Variants in ITGB3BP observed in about 807,000 individuals in gnomAD.
ITGB3BP encodes the protein centromere protein R.
In ITGB3BP, 27 loss-of-function variants were observed where a neutral mutation model predicts 29.1. The observed-to-expected ratio is 0.93, with a 90% CI of 0.68 to 1.28. The LOEUF (loss-of-function observed/expected upper bound fraction) is 1.28, where lower values mean the gene tolerates loss of function less well. Among genes scored for constraint, ITGB3BP ranks in the 50% most tolerant of loss-of-function variants. The pLI is 0.00. For synonymous variants in ITGB3BP, 61 were observed against 61.4 expected, an observed-to-expected ratio of 0.99 and a Z score of 0.03; for missense variants, 192 against 200.2, an observed-to-expected ratio of 0.96 and a Z score of 0.25.
At chr1:63,511,541 T>C (rs1369762974) in intron 1 of ITGB3BP, among the ~76,000 whole-genome samples, 1 of 151,760 alleles carries the variant, frequency 6.6e-6, no homozygotes, top group Non-Finnish European at 1.5e-5. Context: ...AACCCAAATA[T>C]CCACTGACAG....
At chr1:63,504,906 G>A (rs1646035917) in intron 2 of ITGB3BP, among the ~76,000 whole-genome samples, 1 of 152,086 alleles carries the variant, frequency 6.6e-6, no homozygotes, top group Admixed American at 6.6e-5. Flanking sequence ...TGCTGGATTC[G>A]GTTTGCCAGT....
At chr1:63,474,787 C>T (rs1362369309) in intron 4 of ITGB3BP, among the ~76,000 whole-genome samples, 2 of 151,092 alleles carry the variant, frequency 1.3e-5, no homozygotes, top group African/African-American at 4.8e-5. Flanking sequence ...CCTAGGAAAA[C>T]CAGAGACCTT....
At chr1:63,513,465 C>T (rs145913157) in intron 1 of ITGB3BP, among the ~76,000 whole-genome samples, 158 of 152,252 alleles carry the variant, frequency 1.0e-3, no homozygotes, top group African/African-American at 3.7e-3. Context: ...AAAGTTTTCT[C>T]TGCACCAGCT....
chr1:63,476,667 C>A (rs955166087), intron 4 of ITGB3BP, among the ~76,000 whole-genome samples: 5 of 152,214 alleles, frequency 3.3e-5, no homozygotes, highest in South Asian at 4.2e-4. Flanking sequence ...TTTAAGTGGA[C>A]CTGATTCAGG....
intron 3 of ITGB3BP, among the ~76,000 whole-genome samples, chr1:63,482,827 T>C (rs1557632280): frequency 6.6e-6 from 1 of 152,038 alleles, no homozygotes; most frequent in Non-Finnish European, 1.5e-5. Context: ...CTAATTTTTG[T>C]ATTTTTAGTA....
chr1:63,464,216 A>C (rs1197891160), intron 4 of ITGB3BP, among the ~76,000 whole-genome samples: 1 of 152,224 alleles, frequency 6.6e-6, no homozygotes, highest in Non-Finnish European at 1.5e-5. Flanking sequence ...TCAAATGAAT[A>C]CTTCTTCAAA....
intron 4 of ITGB3BP, among the ~76,000 whole-genome samples, chr1:63,461,540 A>G (rs761320246): frequency 3.9e-5 from 6 of 152,166 alleles, no homozygotes; most frequent in Non-Finnish European, 8.8e-5. Flanking sequence ...CTATCAACAA[A>G]TTCAAGGTCA....
chr1:63,445,161 C>T (rs1279578966), intron 8 of ITGB3BP, among the ~76,000 whole-genome samples: 1 of 152,058 alleles, frequency 6.6e-6, no homozygotes, highest in African/African-American at 2.4e-5. Context: ...TGGTGCTCAA[C>T]TGTAATCCCA....
At chr1:63,491,045 G>C (rs1341296747) in intron 2 of ITGB3BP, among the ~76,000 whole-genome samples, 1 of 151,982 alleles carries the variant, frequency 6.6e-6, no homozygotes, top group African/African-American at 2.4e-5. Context: ...TCAGTCACTA[G>C]GCTATGTGCA....
At chr1:63,472,742 G>A (rs907231166) in intron 4 of ITGB3BP, among the ~76,000 whole-genome samples, 2 of 151,304 alleles carry the variant, frequency 1.3e-5, no homozygotes, top group South Asian at 2.1e-4. Context: ...CTCCCGAGGC[G>A]CCGGGATTGC....
intron 4 of ITGB3BP, among the ~76,000 whole-genome samples, chr1:63,460,819 T>A (rs1645004074): frequency 6.6e-6 from 1 of 152,164 alleles, no homozygotes; most frequent in Non-Finnish European, 1.5e-5. Context: ...TAAATAGACA[T>A]CCTCGTAGAT....
upstream of ITGB3BP, chr1:63,523,267 G>A (rs1411949737): frequency 2.5e-6 from 3 of 1,207,628 alleles, no homozygotes; most frequent in African/African-American, 4.5e-5. Flanking sequence ...CACCGCGGCC[G>A]GGCGGAAACA....
At chr1:63,468,470 G>A (rs546417488) in intron 4 of ITGB3BP, among the ~76,000 whole-genome samples, 90 of 152,316 alleles carry the variant, frequency 5.9e-4, no homozygotes, top group African/African-American at 2.1e-3. Context: ...GCTCACGCCT[G>A]TAATCCCAGC....
intron 4 of ITGB3BP, among the ~76,000 whole-genome samples, chr1:63,462,185 G>A (rs1645028634): frequency 6.6e-6 from 1 of 152,066 alleles, no homozygotes; most frequent in African/African-American, 2.4e-5. Context: ...TAGTGTACAA[G>A]TTTTTTACCT....
chr1:63,503,494 G>A (rs998685391), intron 2 of ITGB3BP, among the ~76,000 whole-genome samples: 2 of 152,136 alleles, frequency 1.3e-5, no homozygotes, highest in African/African-American at 4.8e-5. Context: ...TTCTTCTGCT[G>A]TGCAGAAGCT....
chr1:63,497,968 T>C (rs1037035692), intron 2 of ITGB3BP, among the ~76,000 whole-genome samples: 4 of 152,078 alleles, frequency 2.6e-5, no homozygotes, highest in Admixed American at 6.5e-5. Flanking sequence ...TAAATACTTA[T>C]TGGTATTGGG....
intron 1 of ITGB3BP, among the ~76,000 whole-genome samples, chr1:63,512,947 CATTTTT>C (rs1015332055): frequency 2.6e-5 from 4 of 152,194 alleles, no homozygotes; most frequent in Middle Eastern, 3.4e-3. Flanking sequence ...GACTGCAGGC[CATTTTT>C]ATTTTTATTT....
At chr1:63,488,442 T>C (rs185670923) in intron 3 of ITGB3BP, among the ~76,000 whole-genome samples, 1 of 152,116 alleles carries the variant, frequency 6.6e-6, no homozygotes. Flanking sequence ...GAAAATGTAA[T>C]TTAAATTTTA....
intron 7 of ITGB3BP, among the ~76,000 whole-genome samples, chr1:63,451,450 A>C (rs1157931083): frequency 6.6e-6 from 1 of 151,994 alleles, no homozygotes; most frequent in African/African-American, 2.4e-5. Flanking sequence ...TGGAAATTTC[A>C]AGGCCAGATT....
Sources: allele counts gnomAD v4.1 joint callset (sites outside exome capture counted in the v4.1 genomes callset), GRCh38; gene constraint gnomAD v4.1.1; transcripts MANE v1.5; gene names NCBI Gene and HGNC (gene_info 2026-07-23, HGNC 2026-07-21).